Variants in GC observed in about 807,000 individuals in gnomAD.
GC encodes the protein GC vitamin D binding protein.
A neutral mutation model predicts 56.7 loss-of-function variants in GC; 43 were observed. The ratio of observed to expected loss-of-function variants is 0.76; its 90% CI spans 0.59 to 0.98. GC has a LOEUF of 0.98. GC is among the 50% of genes least tolerant of loss of function. GC has a pLI of 0.00. For synonymous variants in GC, 216 were observed against 202.7 expected, an observed-to-expected ratio of 1.07 and a Z score of -0.56; for missense variants, 529 against 545.9, an observed-to-expected ratio of 0.97 and a Z score of 0.31.
chr4:71,757,243 T>A (rs1741808674), intron 7 of GC, among the ~76,000 whole-genome samples: 1 of 152,056 alleles, frequency 6.6e-6, no homozygotes, highest in South Asian at 2.1e-4. Flanking sequence ...ATTAGTAAAA[T>A]AAAAATATGG....
Position 71,747,976 on chromosome 4 carries a change from A to C in GC, c.1396-1771T>G, listed in dbSNP as rs184774880. 6.5e-3 allele frequency among the ~76,000 whole-genome samples: 984 copies of C among 152,286 alleles called. 14 individuals carry two copies. Among genetic ancestry groups the C allele is most frequent in the African/African-American group, 0.023 (941 of 41,566 alleles). The stretch of plus-strand genomic sequence containing the variant: ...ATTTTCAGTCAATAGTCTTCTATCA[A>C]TAGTTTGCTTTTGTCATGACTAGCT... On this transcript the variant is annotated intron_variant, in intron 11 of 12. Transcript: ENST00000273951.
Position 71,754,394 on chromosome 4 carries a change from C to A in GC, c.1262+17G>T. The A allele has an allele frequency of 8.6e-7, 1 of 1,158,538 alleles. No homozygotes were observed. Among genetic ancestry groups the A allele is most frequent in the Non-Finnish European group, 1.3e-6 (1 of 778,052 alleles). The allele number at this position is 1,158,538 out of a possible 1,614,324, so 71.8% of individuals were successfully genotyped here. A position where few individuals can be genotyped will look rare whatever the true frequency, so the allele number is the denominator to read the frequency against. ...TATTGATAAATTTGGAGGATACAGC[C>A]AGAACAAGTTTCTTACTTTTTCTTG... On this transcript the variant is annotated intron_variant, in intron 10 of 12. Transcript: ENST00000273951.
In GC at chr4:71,779,945, A is replaced by T. The variant is rs542642892; in HGVS notation, c.58+4016T>A. On this transcript the variant is annotated intron_variant, in intron 1 of 12. Transcript: ENST00000273951. ...CTTGCAGTTTTATATCATGTTTAATAAAAAAAAATGCTGTGAATGAAATGC... is the reference window on the plus strand; with the variant it reads ...CTTGCAGTTTTATATCATGTTTAATTAAAAAAAATGCTGTGAATGAAATGC... Among the ~76,000 whole-genome samples the T allele has an allele frequency of 8.7e-5, 13 of 150,036 alleles. No individual in the cohort carries two copies. In the East Asian group the frequency reaches 2.2e-3, roughly 25 times the overall value.
chr4:71,790,224 A>C (rs1451928031), intron 1 of GC, among the ~76,000 whole-genome samples: 1 of 151,976 alleles, frequency 6.6e-6, no homozygotes, highest in African/African-American at 2.4e-5. Flanking sequence ...TCATGTTCTT[A>C]TTTAGTAGTT....
At chr4:71,794,398 T>A (rs532396955) in intron 1 of GC, among the ~76,000 whole-genome samples, 2 of 152,332 alleles carry the variant, frequency 1.3e-5, no homozygotes, top group East Asian at 3.9e-4. Context: ...AGTGCATGTG[T>A]CCAGAAATTT....
chr4:71,752,396 A>G, intron 11 of GC, 122 bp downstream of exon 11: 3 of 744,706 alleles, frequency 4.0e-6, no homozygotes, highest in East Asian at 2.8e-5. Context: ...CCAAGTTACA[A>G]TAACACCAGG....
intron 1 of GC, among the ~76,000 whole-genome samples, chr4:71,797,942 T>C (rs1271641807): frequency 6.6e-6 from 1 of 152,228 alleles, no homozygotes; most frequent in African/African-American, 2.4e-5. Context: ...TGTTCTCACT[T>C]TCTTCTCTTT....
chr4:71,765,015 T>G (rs1419125061), intron 4 of GC, among the ~76,000 whole-genome samples: 2 of 152,096 alleles, frequency 1.3e-5, no homozygotes, highest in Non-Finnish European at 2.9e-5. Context: ...TGTATAGGAG[T>G]GAAGAGAGAA....
At chr4:71,773,965 T>G (rs2149303753) in intron 1 of GC, among the ~76,000 whole-genome samples, 1 of 152,206 alleles carries the variant, frequency 6.6e-6, no homozygotes, top group South Asian at 2.1e-4. Context: ...TTCAAACTAG[T>G]CAGGCATGAT....
chr4:71,803,849 A>C, intron 1 of GC: 1 of 816,614 alleles, frequency 1.2e-6, no homozygotes, highest in Non-Finnish European at 2.0e-6. Context: ...GAACATTGTA[A>C]ATTCATTTTA....
At position 71,746,160 on chromosome 4, in the gene GC, T is replaced by A; in HGVS notation, c.*16A>T. ...TATAAAATATACTTACCAAAGTTAA[T>A]AAACATGCTTCAGGACTACAGGATA... On this transcript the variant is annotated 3_prime_UTR_variant, in exon 12 of 13. Coordinates refer to ENST00000273951, the MANE Select transcript of GC (RefSeq NM_000583.4). 2 of 1,235,698 alleles carry A rather than the reference T, an allele frequency of 1.6e-6. No homozygotes were observed. The highest frequency in any genetic ancestry group is 2.4e-6 in the Non-Finnish European group (2 of 840,252). The allele number at this position is 1,235,698 out of a possible 1,614,324, so 76.5% of individuals were successfully genotyped here. A position where few individuals can be genotyped will look rare whatever the true frequency, so the allele number is the denominator to read the frequency against.
At chr4:71,753,155 G>T (rs577356477) in intron 10 of GC, among the ~76,000 whole-genome samples, 2 of 152,066 alleles carry the variant, frequency 1.3e-5, no homozygotes, top group African/African-American at 2.4e-5. Flanking sequence ...TACTAAAAAC[G>T]AACTCTCCAT....
intron 11 of GC, among the ~76,000 whole-genome samples, chr4:71,749,011 A>G (rs1004782784): frequency 6.6e-6 from 1 of 152,192 alleles, no homozygotes; most frequent in African/African-American, 2.4e-5. Flanking sequence ...GGCATTGGAA[A>G]TTAAAGAGAA....
At chr4:71,791,254 CA>C (rs1408819928) in intron 1 of GC, among the ~76,000 whole-genome samples, 1 of 151,952 alleles carries the variant, frequency 6.6e-6, no homozygotes, top group Non-Finnish European at 1.5e-5. Flanking sequence ...ACTTTTCTTT[CA>C]AAGCTATTAT....
chr4:71,782,872 C>A (rs746933039), intron 1 of GC, among the ~76,000 whole-genome samples: 1 of 151,720 alleles, frequency 6.6e-6, no homozygotes, highest in Non-Finnish European at 1.5e-5. Context: ...ATAAGGGACA[C>A]AATTTATGTT....
chr4:71,762,331 T>C (rs1742006569), intron 6 of GC, among the ~76,000 whole-genome samples: 1 of 152,236 alleles, frequency 6.6e-6, no homozygotes, highest in Non-Finnish European at 1.5e-5. Flanking sequence ...TTTTAATGGC[T>C]GCATTTACCC....
intron 1 of GC, among the ~76,000 whole-genome samples, chr4:71,771,749 G>T (rs1011789227): frequency 6.6e-6 from 1 of 152,228 alleles, no homozygotes; most frequent in African/African-American, 2.4e-5. Flanking sequence ...AGTTTACAAG[G>T]CTGGATATTG....
At chr4:71,760,310 C>T (rs1012457709) in intron 6 of GC, among the ~76,000 whole-genome samples, 7 of 151,810 alleles carry the variant, frequency 4.6e-5, no homozygotes, top group Admixed American at 6.6e-5. Context: ...CTTTGGCCTC[C>T]CAAAGTGCTG....
intron 12 of GC, among the ~76,000 whole-genome samples, chr4:71,742,385 A>G (rs1741210748): frequency 1.3e-5 from 2 of 152,178 alleles, no homozygotes; most frequent in South Asian, 4.1e-4. Flanking sequence ...GTTATGTCAC[A>G]GTTCTATTTG....
Sources: allele counts gnomAD v4.1 joint callset (sites outside exome capture counted in the v4.1 genomes callset), GRCh38; gene constraint gnomAD v4.1.1; transcripts MANE v1.5; gene names NCBI Gene and HGNC (gene_info 2026-07-23, HGNC 2026-07-21).